The following LATS2 variants were observed in gnomAD, a reference collection of about 807,000 sequenced individuals.
The protein encoded by LATS2 is large tumor suppressor kinase 2, also known as serine/threonine-protein kinase LATS2.
A neutral mutation model predicts 76.0 loss-of-function variants in LATS2; 24 were observed. The ratio of observed to expected loss-of-function variants is 0.32; its 90% CI spans 0.23 to 0.44. The LOEUF (loss-of-function observed/expected upper bound fraction) is 0.44, where lower values mean the gene tolerates loss of function less well. Ranked by LOEUF, LATS2 falls within the 20% of genes least tolerant of loss-of-function variation. The pLI is 1.00. For missense variants in LATS2, 1,286 were observed against 1,481.2 expected, an observed-to-expected ratio of 0.87 and a Z score of 2.16; for synonymous variants, 692 against 635.4, an observed-to-expected ratio of 1.09 and a Z score of -1.34.
At chr13:20,981,356 A>T in intron 6 of LATS2, 110 bp downstream of exon 6, 1 of 1,035,048 alleles carries the variant, frequency 9.7e-7, no homozygotes, top group South Asian at 1.6e-5. Flanking sequence ...TATGAGGACA[A>T]AAATATGACT....
In LATS2 at chr13:20,975,011, G is replaced by T; in HGVS notation, c.3126C>A (p.Phe1042Leu). 1 of 1,614,256 alleles carries T rather than the reference G, an allele frequency of 6.2e-7. No individual in the cohort carries two copies. The highest frequency in any genetic ancestry group is 8.5e-7 in the Non-Finnish European group (1 of 1,180,040). Residue 1042 changes from phenylalanine to leucine, a missense_variant, in exon 8 of 8, where the codon TTC becomes TTA. This residue lies in a region of LATS2 where 210 missense variants were observed against 234.9 expected (regional missense o/e 0.89). Coordinates refer to ENST00000382592, the MANE Select transcript of LATS2 (RefSeq NM_014572.3). Reference protein sequence around the residue: ...HPEHAFYEFTFRRFFDDNGYP... With the variant: ...HPEHAFYEFTLRRFFDDNGYP... ...AGCCATTGTCATCAAAGAACCTTCG[G>T]AAGGTGAATTCGTAAAATGCGTGCT...
chr13:21,014,243 C>G (rs140787679), intron 2 of LATS2, among the ~76,000 whole-genome samples: 4,018 of 152,296 alleles, frequency 0.026, 81 homozygotes, highest in South Asian at 0.051. Context: ...CTCCCAAACC[C>G]AAGGCCTTTT....
chr13:21,021,758 T>G (rs1872075699), intron 2 of LATS2, among the ~76,000 whole-genome samples: 1 of 152,198 alleles, frequency 6.6e-6, no homozygotes, highest in East Asian at 1.9e-4. Context: ...GAGCATGCCC[T>G]TGGTCCAGTC....
chr13:21,007,664 GTGTGTA>G lies in LATS2; in HGVS notation c.343-16266_343-16261del, dbSNP rs1220619668. 4.0e-3 allele frequency among the ~76,000 whole-genome samples: 19 copies of G among 4,772 alleles called. 4 individuals carry two copies. Among genetic ancestry groups the G allele is most frequent in the African/African-American group, 0.019 (15 of 808 alleles). The allele number at this position is 4,772 out of a possible 152,430, so 3.1% of individuals were successfully genotyped here. A position where few individuals can be genotyped will look rare whatever the true frequency, so the allele number is the denominator to read the frequency against. On this transcript the variant is annotated intron_variant, in intron 2 of 7. Transcript: ENST00000382592. ...TATATAGTGTGTGTATATATATATA[GTGTGTA>G]TATATATATATAGTATATATATATA...
At chr13:21,024,955 G>A (rs974094424) in intron 2 of LATS2, among the ~76,000 whole-genome samples, 6 of 152,172 alleles carry the variant, frequency 3.9e-5, no homozygotes, top group Admixed American at 2.6e-4. Flanking sequence ...GCACATTTAT[G>A]TACAGCCCTG....
intron 2 of LATS2, among the ~76,000 whole-genome samples, chr13:21,036,399 CCAAAA>C (rs1872684059): frequency 6.6e-6 from 1 of 152,090 alleles, no homozygotes; most frequent in South Asian, 2.1e-4. Context: ...CTACTCACCG[CCAAAA>C]TGAGAGCTTT....
At chr13:21,031,771 G>A (rs572931525) in intron 2 of LATS2, among the ~76,000 whole-genome samples, 1 of 152,238 alleles carries the variant, frequency 6.6e-6, no homozygotes, top group African/African-American at 2.4e-5. Flanking sequence ...GAGATGGGAG[G>A]ATTGCTTGAG....
At chr13:21,035,039 C>T (rs1013735381) in intron 2 of LATS2, among the ~76,000 whole-genome samples, 1 of 151,086 alleles carries the variant, frequency 6.6e-6, no homozygotes, top group East Asian at 1.9e-4. Context: ...CAGACCAGCC[C>T]GAGAAACATA....
At position 21,061,427 on chromosome 13, in the gene LATS2, T is replaced by C. The variant is rs904473309; in HGVS notation, c.-286A>G. ...CTCGCGCCGGGAGACCGGGCACTGG[T>C]GGCTGGAGCTGCTGCTGGCCCCGCA... On this transcript the variant is annotated 5_prime_UTR_variant, in exon 1 of 8. Coordinates refer to ENST00000382592, the MANE Select transcript of LATS2 (RefSeq NM_014572.3). 1 of 152,888 alleles carries C rather than the reference T, an allele frequency of 6.5e-6. No individual in the cohort carries two copies. Among genetic ancestry groups the C allele is most frequent in the Non-Finnish European group, 1.5e-5 (1 of 68,534 alleles). 9.5% of individuals were successfully genotyped at this position (152,888 alleles called of 1,614,324 possible).
chr13:21,044,255 A>G (rs980385368), intron 2 of LATS2, among the ~76,000 whole-genome samples: 3 of 152,236 alleles, frequency 2.0e-5, no homozygotes, highest in African/African-American at 4.8e-5. Flanking sequence ...TAAATTCTCT[A>G]TTTAAGGTCT....
rs546119695 is a variant in LATS2, at chr13:21,056,626, C to T, written c.-205+4720G>A. Among the ~76,000 whole-genome samples, 30 of 152,248 alleles carry T rather than the reference C, an allele frequency of 2.0e-4. No homozygotes were observed. In the South Asian group the frequency reaches 2.9e-3, roughly 15 times the overall value. ...CAGGGGTTCTCAATCGTTAAGAAAG[C>T]CTTGCCTCCTCTGCACCCCTCCAAG... On this transcript the variant is annotated intron_variant, in intron 1 of 7. Transcript: ENST00000382592.
In LATS2 at chr13:20,991,354, G is replaced by A. The variant is rs569358463; in HGVS notation, c.393C>T (p.Ala131=). The part of the protein sequence containing the change: ...LKQTGSRSIE[A]ALEYISKMGY... ...CCATCTTGCTGATGTACTCCAGGGCGGCCTCGATGCTCCTGCTGCCAGTCT... is the reference window on the plus strand; with the variant it reads ...CCATCTTGCTGATGTACTCCAGGGCAGCCTCGATGCTCCTGCTGCCAGTCT... The change falls in exon 3 of 8, where the codon GCC becomes GCT. Residue 131 remains alanine (A), a synonymous_variant. Coordinates refer to ENST00000382592, the MANE Select transcript of LATS2 (RefSeq NM_014572.3). The surrounding 1 kb of genome is among the most constrained non-coding windows in gnomAD (Gnocchi z 4.9). 4.3e-5 allele frequency: 70 copies of A among 1,614,128 alleles called. 1 individual carries two copies. Among genetic ancestry groups the A allele is most frequent in the South Asian group, 1.3e-4 (12 of 91,084 alleles).
intron 1 of LATS2, among the ~76,000 whole-genome samples, chr13:21,057,014 G>A (rs1308182633): frequency 6.6e-6 from 1 of 152,190 alleles, no homozygotes; most frequent in Non-Finnish European, 1.5e-5. Flanking sequence ...AAAAATGAGT[G>A]AGACTCCCGA....
intron 1 of LATS2, among the ~76,000 whole-genome samples, chr13:21,052,841 C>T (rs910776748): frequency 7.9e-5 from 12 of 152,176 alleles, no homozygotes; most frequent in African/African-American, 2.9e-4. Flanking sequence ...CTGACTGCGG[C>T]TCAAACAGCA....
In LATS2 at chr13:20,988,194, T is replaced by C; in HGVS notation, c.1586A>G (p.Glu529Gly). Residue 529 changes from glutamate (E) to glycine (G), a missense_variant, in exon 4 of 8, where the codon GAG (glutamate) becomes GGG (glycine). Coordinates refer to ENST00000382592, the MANE Select transcript of LATS2 (RefSeq NM_014572.3). ...GCACAGGCTGTCCAGGTCGTACTGC[T>C]CCGACTTGCTGCGCAGCAGCAGGTG... ...PKHLLLRSKS[E>G]QYDLDSLCAG... 6.2e-7 allele frequency: 1 copy of C among 1,612,586 alleles called. No homozygotes were observed. The highest frequency in any genetic ancestry group is 8.5e-7 in the Non-Finnish European group (1 of 1,179,784).
chr13:20,981,814 C>T (rs1869903448), intron 5 of LATS2, among the ~76,000 whole-genome samples, 166 bp from the exon 6 acceptor site: 1 of 152,194 alleles, frequency 6.6e-6, no homozygotes, highest in Non-Finnish European at 1.5e-5. Flanking sequence ...ATAGGGGCAG[C>T]CTGCTGTTCC....
intron 3 of LATS2, among the ~76,000 whole-genome samples, chr13:20,989,740 A>G (rs541204962): frequency 6.6e-6 from 1 of 152,346 alleles, no homozygotes; most frequent in East Asian, 1.9e-4. Context: ...TCCCTCACAG[A>G]AAGGGCAGAA....
chr13:21,026,146 T>C (rs910226227), intron 2 of LATS2, among the ~76,000 whole-genome samples: 1 of 152,176 alleles, frequency 6.6e-6, no homozygotes, highest in Non-Finnish European at 1.5e-5. Context: ...ACGAATTATT[T>C]GCATCCACTG....
At position 20,997,695 on chromosome 13, in the gene LATS2, C is replaced by T. The variant is rs1870817199; in HGVS notation, c.343-6291G>A. 2.6e-5 allele frequency among the ~76,000 whole-genome samples: 4 copies of T among 152,232 alleles called. No homozygotes were observed. In the South Asian group the frequency reaches 8.3e-4, roughly 32 times the overall value. ...TCTGCTCTCTTGGCTTGGTCCCCTT[C>T]TACTAAGCACAGGGCTTACGAGGAC... On this transcript the variant is annotated intron_variant, in intron 2 of 7. Transcript: ENST00000382592.
Sources: allele counts gnomAD v4.1 joint callset (sites outside exome capture counted in the v4.1 genomes callset), GRCh38; gene constraint gnomAD v4.1.1; regional missense constraint gnomAD v4.1.1; non-coding constraint Gnocchi (gnomAD v3.1); transcripts MANE v1.5; gene names NCBI Gene and HGNC (gene_info 2026-07-23, HGNC 2026-07-21).